SLCO3A1: variants seen among roughly 807,000 people sequenced by gnomAD.
The protein encoded by SLCO3A1 is solute carrier organic anion transporter family member 3A1, also known as PGE1 transporter.
SLCO3A1 carries 27 observed loss-of-function variants against 63.1 expected under a neutral mutation model. That is an observed-to-expected ratio of 0.43 (90% CI 0.32 to 0.59). The LOEUF (loss-of-function observed/expected upper bound fraction) is 0.59, where lower values mean the gene tolerates loss of function less well. SLCO3A1 is among the 20% of genes least tolerant of loss of function. The pLI is 0.09. For missense variants in SLCO3A1, 773 were observed against 945.8 expected, an observed-to-expected ratio of 0.82 and a Z score of 2.40; for synonymous variants, 473 against 409.9, an observed-to-expected ratio of 1.15 and a Z score of -1.86.
intron 2 of SLCO3A1, among the ~76,000 whole-genome samples, chr15:91,923,737 T>A (rs1898922510): frequency 6.6e-6 from 1 of 152,262 alleles, no homozygotes. Flanking sequence ...TAGTTAGGTA[T>A]ATTTTATTCC....
intron 4 of SLCO3A1, among the ~76,000 whole-genome samples, chr15:92,105,001 T>C (rs1596105722): frequency 6.8e-6 from 1 of 146,878 alleles, no homozygotes; most frequent in African/African-American, 2.5e-5. Context: ...CCCGGTGTAA[T>C]CACATCTGTA....
At chr15:91,907,966 C>G (rs991756225) in intron 1 of SLCO3A1, among the ~76,000 whole-genome samples, 1 of 152,170 alleles carries the variant, frequency 6.6e-6, no homozygotes, top group South Asian at 2.1e-4. Flanking sequence ...CAGCAGCTTT[C>G]ATGATCCTGC....
chr15:92,070,951 C>T (rs1281439919), intron 2 of SLCO3A1, among the ~76,000 whole-genome samples: 4 of 152,020 alleles, frequency 2.6e-5, no homozygotes, highest in Non-Finnish European at 5.9e-5. Flanking sequence ...TATATATATA[C>T]ACATCCCTCT....
chr15:92,128,226 G>C, intron 6 of SLCO3A1, 125 bp from the exon 7 acceptor site: 1 of 1,162,826 alleles, frequency 8.6e-7, no homozygotes. Flanking sequence ...GGGAGAACCA[G>C]GTAACAATCC....
At chr15:92,065,382 C>G (rs933085664) in intron 2 of SLCO3A1, among the ~76,000 whole-genome samples, 2 of 152,168 alleles carry the variant, frequency 1.3e-5, no homozygotes, top group South Asian at 4.1e-4. Flanking sequence ...GCCACCACAC[C>G]CGGCCATTTA....
At chr15:92,083,741 ATGG>A (rs2047373675) in intron 2 of SLCO3A1, among the ~76,000 whole-genome samples, 1 of 152,198 alleles carries the variant, frequency 6.6e-6, no homozygotes, top group Non-Finnish European at 1.5e-5. Flanking sequence ...GTGGTGAGAG[ATGG>A]TGATTTGTGC....
intron 1 of SLCO3A1, among the ~76,000 whole-genome samples, chr15:91,907,960 A>G (rs1192476537): frequency 6.6e-6 from 1 of 152,172 alleles, no homozygotes; most frequent in Non-Finnish European, 1.5e-5. Context: ...GAGAGCCAGC[A>G]GCTTTCATGA....
chr15:92,160,732 C>T (rs2048425936), intron 9 of SLCO3A1, among the ~76,000 whole-genome samples: 1 of 152,094 alleles, frequency 6.6e-6, no homozygotes, highest in South Asian at 2.1e-4. Context: ...CTGCCAAGCT[C>T]ATTAGCACTC....
intron 4 of SLCO3A1, among the ~76,000 whole-genome samples, chr15:92,107,131 G>A (rs562183287): frequency 6.6e-6 from 1 of 152,280 alleles, no homozygotes; most frequent in East Asian, 1.9e-4. Context: ...GGACCCGCGA[G>A]GCCATATTGA....
intron 2 of SLCO3A1, among the ~76,000 whole-genome samples, chr15:92,016,487 C>T (rs1378049505): frequency 6.6e-6 from 1 of 152,104 alleles, no homozygotes; most frequent in Non-Finnish European, 1.5e-5. Context: ...GAAGGAATGT[C>T]GTCCTGATCC....
chr15:92,014,371 C>T (rs1036789237), intron 2 of SLCO3A1, among the ~76,000 whole-genome samples: 1 of 152,178 alleles, frequency 6.6e-6, no homozygotes, highest in African/African-American at 2.4e-5. Flanking sequence ...AAAACTGGCA[C>T]TCTTCGGAGG....
intron 2 of SLCO3A1, among the ~76,000 whole-genome samples, chr15:91,987,676 G>A (rs886846321): frequency 6.6e-5 from 10 of 151,480 alleles, no homozygotes; most frequent in Non-Finnish European, 1.2e-4. Context: ...CCCAGGAGGC[G>A]GAGGTTGCAG....
At chr15:92,090,431 G>A (rs909292916) in intron 2 of SLCO3A1, among the ~76,000 whole-genome samples, 2 of 152,208 alleles carry the variant, frequency 1.3e-5, no homozygotes, top group African/African-American at 4.8e-5. Flanking sequence ...TGTACAGAAT[G>A]CCAGAGCCAG....
chr15:91,936,565 C>T (rs568836910), intron 2 of SLCO3A1, among the ~76,000 whole-genome samples: 2 of 152,250 alleles, frequency 1.3e-5, no homozygotes, highest in South Asian at 4.1e-4. Context: ...TATTTTGGAA[C>T]TTTTTTCCTG....
chr15:92,069,655 G>GCT (rs2047192730), intron 2 of SLCO3A1, among the ~76,000 whole-genome samples: 2 of 152,164 alleles, frequency 1.3e-5, no homozygotes, highest in Non-Finnish European at 2.9e-5. Context: ...CAGAATGAGA[G>GCT]CTGGACCTGC....
intron 2 of SLCO3A1, among the ~76,000 whole-genome samples, chr15:91,971,137 T>C (rs1900844939): frequency 6.6e-6 from 1 of 152,050 alleles, no homozygotes. Context: ...GGCTCACACC[T>C]GTAATCTTAG....
At chr15:91,889,225 C>T (rs1336415829) in intron 1 of SLCO3A1, 30 of 1,212,164 alleles carry the variant, frequency 2.5e-5, no homozygotes, top group Non-Finnish European at 3.2e-5. Flanking sequence ...AAAATTGTTG[C>T]CAGGAAAGGA....
intron 2 of SLCO3A1, among the ~76,000 whole-genome samples, chr15:92,072,202 G>C (rs3862438): frequency 6.7e-6 from 1 of 148,906 alleles, no homozygotes; most frequent in East Asian, 2.0e-4. Context: ...CTTTTTTTTG[G>C]TTTTTTTTTT....
At chr15:91,903,726 TGCTCAGGA>T (rs1597105721) in intron 1 of SLCO3A1, among the ~76,000 whole-genome samples, 1 of 152,194 alleles carries the variant, frequency 6.6e-6, no homozygotes, top group Non-Finnish European at 1.5e-5. Context: ...TCCAGCTCTG[TGCTCAGGA>T]GCAGGGCAGC....
Sources: allele counts gnomAD v4.1 joint callset (sites outside exome capture counted in the v4.1 genomes callset), GRCh38; gene constraint gnomAD v4.1.1; transcripts MANE v1.5; gene names NCBI Gene and HGNC (gene_info 2026-07-23, HGNC 2026-07-21).